ME3: variants seen among roughly 807,000 people sequenced by gnomAD.
ME3 encodes the protein NADP-dependent malic enzyme, mitochondrial.
In ME3, 48 loss-of-function variants were observed where a neutral mutation model predicts 68.9. That is an observed-to-expected ratio of 0.70 (90% CI 0.55 to 0.89). ME3 has a LOEUF of 0.89. Ranked by LOEUF, ME3 falls within the 40% of genes least tolerant of loss-of-function variation. The probability of loss-of-function intolerance (pLI) is 0.00; values close to 1 mark genes in which losing one functional copy is unlikely to be tolerated. For synonymous variants in ME3, 320 were observed against 318.8 expected (o/e 1.00, Z -0.04); for missense variants, 675 against 797.4 (o/e 0.85, Z 1.85).
intron 2 of ME3, among the ~76,000 whole-genome samples, chr11:86,635,627 A>G (rs1334612212): frequency 6.6e-6 from 1 of 152,240 alleles, no homozygotes; most frequent in East Asian, 1.9e-4. Context: ...AGGTTTCTAA[A>G]AAAAGGATGA....
At chr11:86,541,382 G>T (rs1956039357) in intron 4 of ME3, among the ~76,000 whole-genome samples, 1 of 152,220 alleles carries the variant, frequency 6.6e-6, no homozygotes, top group African/African-American at 2.4e-5. Flanking sequence ...AGCCCAGCAA[G>T]CTAAGATCCA....
intron 2 of ME3, among the ~76,000 whole-genome samples, chr11:86,640,551 C>G (rs1944604905): frequency 6.6e-6 from 1 of 152,212 alleles, no homozygotes; most frequent in South Asian, 2.1e-4. Flanking sequence ...GCCATCTGGC[C>G]TGGTTGTTTT....
At chr11:86,663,449 C>A (rs1946405862) in intron 2 of ME3, among the ~76,000 whole-genome samples, 1 of 152,172 alleles carries the variant, frequency 6.6e-6, no homozygotes. Context: ...TGTAGGATAT[C>A]CATCACATTT....
At chr11:86,665,622 T>TA (rs1231829131) in intron 2 of ME3, among the ~76,000 whole-genome samples, 91 of 151,538 alleles carry the variant, frequency 6.0e-4, no homozygotes, top group African/African-American at 1.6e-3. Flanking sequence ...AACTTAGTTT[T>TA]AAAAAAAAAT....
chr11:86,448,293 T>C (rs770979371), intron 10 of ME3, 38 bp from the exon 11 acceptor site: 1 of 1,472,866 alleles, frequency 6.8e-7, no homozygotes, highest in African/African-American at 1.4e-5. Flanking sequence ...GTGGTCGTGA[T>C]GGCCTGTTGG....
chr11:86,634,894 T>C (rs1944236242), intron 2 of ME3, among the ~76,000 whole-genome samples: 1 of 151,648 alleles, frequency 6.6e-6, no homozygotes, highest in Admixed American at 6.6e-5. Flanking sequence ...TTTAATTGAC[T>C]TGTAATCGTG....
intron 13 of ME3, among the ~76,000 whole-genome samples, chr11:86,445,826 G>A (rs140700291): frequency 4.6e-5 from 7 of 152,150 alleles, no homozygotes; most frequent in African/African-American, 1.4e-4. Context: ...TCAAGATCTG[G>A]GTCCTCCAAG....
At chr11:86,651,865 G>T (rs554926298) in intron 2 of ME3, among the ~76,000 whole-genome samples, 1 of 152,222 alleles carries the variant, frequency 6.6e-6, no homozygotes, top group South Asian at 2.1e-4. Context: ...TAGACGAATG[G>T]CTAACTGAAT....
intron 2 of ME3, among the ~76,000 whole-genome samples, chr11:86,586,793 C>G (rs1958763862): frequency 6.6e-6 from 1 of 152,028 alleles, no homozygotes; most frequent in African/African-American, 2.4e-5. Flanking sequence ...TGTGTCCTGA[C>G]TTGGGAGCCG....
chr11:86,522,218 C>T (rs78133417), intron 4 of ME3, among the ~76,000 whole-genome samples: 6,910 of 151,358 alleles, frequency 0.046, 168 homozygotes, highest in South Asian at 0.1. Flanking sequence ...TCATTGCACT[C>T]CAGCCTGGGT....
At chr11:86,528,692 A>G (rs1245015402) in intron 4 of ME3, among the ~76,000 whole-genome samples, 1 of 151,982 alleles carries the variant, frequency 6.6e-6, no homozygotes. Flanking sequence ...AGAACTCAGG[A>G]TTAAGAAACT....
At chr11:86,658,141 T>TC (rs1347094306) in intron 2 of ME3, among the ~76,000 whole-genome samples, 1 of 151,182 alleles carries the variant, frequency 6.6e-6, no homozygotes, top group Admixed American at 6.6e-5. Flanking sequence ...AATTTTTTTT[T>TC]TTTGAGACAA....
chr11:86,651,999 G>A (rs187857750), intron 2 of ME3, among the ~76,000 whole-genome samples: 88 of 152,190 alleles, frequency 5.8e-4, no homozygotes, highest in Non-Finnish European at 8.1e-4. Context: ...TATCAGTGAC[G>A]GAAGATCAAA....
At chr11:86,494,703 G>A (rs1401258400) in intron 6 of ME3, among the ~76,000 whole-genome samples, 5 of 148,070 alleles carry the variant, frequency 3.4e-5, no homozygotes, top group Admixed American at 6.6e-5. Context: ...GATGTGACAC[G>A]CGACTCATTA....
At chr11:86,462,418 TG>T in intron 8 of ME3, 1 of 289,458 alleles carries the variant, frequency 3.5e-6, no homozygotes, top group Non-Finnish European at 5.2e-6. Flanking sequence ...GCTAAGTTTC[TG>T]GAGAGGCAAA....
intron 4 of ME3, among the ~76,000 whole-genome samples, chr11:86,533,205 C>T (rs530560995): frequency 7.9e-5 from 12 of 151,780 alleles, no homozygotes; most frequent in Non-Finnish European, 1.5e-4. Context: ...AAAAGATCAA[C>T]AAAACTAAGA....
At chr11:86,505,261 G>A (rs529469588) in intron 5 of ME3, among the ~76,000 whole-genome samples, 2 of 150,680 alleles carry the variant, frequency 1.3e-5, no homozygotes, top group African/African-American at 2.5e-5. Flanking sequence ...CCTAGGGGTG[G>A]GGGGGGAGGA....
intron 6 of ME3, among the ~76,000 whole-genome samples, chr11:86,496,010 G>A (rs1040675034): frequency 1.3e-5 from 2 of 152,104 alleles, no homozygotes; most frequent in African/African-American, 4.8e-5. Flanking sequence ...CAGCTGTTAA[G>A]CAAGGTCTGC....
chr11:86,606,775 G>C (rs1039894056), intron 2 of ME3, among the ~76,000 whole-genome samples: 7 of 152,192 alleles, frequency 4.6e-5, no homozygotes, highest in African/African-American at 1.7e-4. Context: ...GATTGGTATT[G>C]ATTTAGATGT....
Sources: allele counts gnomAD v4.1 joint callset (sites outside exome capture counted in the v4.1 genomes callset), GRCh38; gene constraint gnomAD v4.1.1; transcripts MANE v1.5; gene names NCBI Gene and HGNC (gene_info 2026-07-23, HGNC 2026-07-21).